The following ZPLD1 variants were observed in gnomAD, a reference collection of about 807,000 sequenced individuals.
ZPLD1 encodes zona pellucida-like domain-containing protein 1.
ZPLD1 carries 34 observed loss-of-function variants against 47.2 expected under a neutral mutation model. The observed-to-expected ratio is 0.72, with a 90% confidence interval of 0.55 to 0.96. The LOEUF (loss-of-function observed/expected upper bound fraction) is 0.96. Among genes scored for constraint, ZPLD1 ranks in the 40% least tolerant of loss-of-function variants. The probability of loss-of-function intolerance (pLI) is 0.00; values close to 1 mark genes in which losing one functional copy is unlikely to be tolerated. For missense variants in ZPLD1, 512 were observed against 505.8 expected (o/e 1.01, Z -0.12); for synonymous variants, 176 against 186.2 (o/e 0.95, Z 0.45).
At chr3:102,450,917 G>C (rs977853724) in intron 3 of ZPLD1, among the ~76,000 whole-genome samples, 1 of 152,190 alleles carries the variant, frequency 6.6e-6, no homozygotes, top group Admixed American at 6.5e-5. Flanking sequence ...TGTTGCCGAA[G>C]TATGAAGATA....
chr3:102,412,975 A>G (rs1200496353), intron 7 of ZPLD1, among the ~76,000 whole-genome samples: 1 of 151,760 alleles, frequency 6.6e-6, no homozygotes, highest in East Asian at 1.9e-4. Context: ...TTTTGAAATA[A>G]TTCTATGAAT....
intron 6 of ZPLD1, among the ~76,000 whole-genome samples, chr3:102,458,967 G>C (rs1707462610): frequency 6.6e-6 from 1 of 151,768 alleles, no homozygotes; most frequent in Non-Finnish European, 1.5e-5. Context: ...GCGGGCACCT[G>C]TAGTCCCAGC....
At chr3:102,393,274 T>G (rs553346485) in intron 7 of ZPLD1, among the ~76,000 whole-genome samples, 1 of 152,272 alleles carries the variant, frequency 6.6e-6, no homozygotes, top group Non-Finnish European at 1.5e-5. Flanking sequence ...AGAAGTATAT[T>G]AAGCGCTTAA....
chr3:102,452,892 T>A lies in ZPLD1; in HGVS notation c.107-27T>A, dbSNP rs763761702. ...TATCTTTCTGCTTTTCTGACTTATG[T>A]TTGTTTTTTATATATTTTTATTTCA... On this transcript the variant is annotated intron_variant, in intron 3 of 11. Transcript: ENST00000466937. The A allele has an allele frequency of 2.6e-5, 41 of 1,606,162 alleles. No homozygotes were observed. The South Asian group carries it at 4.3e-4, about 17-fold the overall frequency.
At position 102,456,207 on chromosome 3, in the gene ZPLD1, T is replaced by C. The variant is rs963005763; in HGVS notation, c.342T>C (p.Pro114=). 9 of 1,612,900 alleles carry C rather than the reference T, an allele frequency of 5.6e-6. No individual in the cohort carries two copies. Among genetic ancestry groups the C allele is most frequent in the Non-Finnish European group, 7.6e-6 (9 of 1,179,558 alleles). ...CGNNLVVSTI[P]GVSAYGNATS... ...CATTCTAACAGGTATCCACAATTCC[T>C]GGAGTCAGTGCTTATGGAAATGCAA... The change falls in exon 5 of 12, where the codon CCT becomes CCC. Residue 114 remains proline (P), a synonymous_variant. Transcript: ENST00000466937.
In ZPLD1 at chr3:102,412,248, C is replaced by T. The variant is rs139271244; in HGVS notation, c.-156-5812C>T. 4.7e-3 allele frequency among the ~76,000 whole-genome samples: 708 copies of T among 151,862 alleles called. 1 individual carries two copies. The highest frequency in any genetic ancestry group is 0.016 in the African/African-American group (648 of 41,496). On this transcript the variant is annotated intron_variant, in intron 7 of 17. Coordinates refer to the ZPLD1 transcript ENST00000491959. ...ATTGGTGTTTGAACAAACAGCTGGG[C>T]ATTATAGCCTAGCCAAGTTGACACA... is the stretch of plus-strand genomic sequence containing the variant.
intron 6 of ZPLD1, among the ~76,000 whole-genome samples, chr3:102,386,889 C>T (rs894456731): frequency 6.6e-6 from 1 of 152,124 alleles, no homozygotes; most frequent in Non-Finnish European, 1.5e-5. Context: ...CAGAAGTATC[C>T]ATTTTTAATC....
At chr3:102,455,754 T>G (rs1707403104) in intron 4 of ZPLD1, among the ~76,000 whole-genome samples, 2 of 151,928 alleles carry the variant, frequency 1.3e-5, no homozygotes, top group East Asian at 3.9e-4. Context: ...TTAGGGAAGG[T>G]GAGATCCTGG....
chr3:102,438,680 C>A, intron 3 of ZPLD1, 87 bp downstream of exon 3: 1 of 941,756 alleles, frequency 1.1e-6, no homozygotes, highest in Non-Finnish European at 1.6e-6. Flanking sequence ...ATATGGAGAA[C>A]GGGGGGCTAT....
At position 102,464,191 on chromosome 3, in the gene ZPLD1, A is replaced by G. The variant is rs977813103; in HGVS notation, c.701A>G (p.Tyr234Cys). 6.2e-7 allele frequency: 1 copy of G among 1,612,616 alleles called. No homozygotes were observed. Among genetic ancestry groups the G allele is most frequent in the South Asian group, 1.1e-5 (1 of 90,990 alleles). Residue 234 changes from tyrosine to cysteine, a missense_variant, in exon 8 of 12, where the codon TAT becomes TGT. Coordinates refer to ENST00000466937, the MANE Select transcript of ZPLD1 (RefSeq NM_001329788.2). The part of the protein sequence containing the change: ...LDGRWNVLMD[Y>C]CYTTPSGNPN... Reference sequence around the variant, plus strand: ...TTCAGATGGAATGTTTTAATGGATTATTGCTATACTACCCCATCAGGAAAC... The same window carrying G: ...TTCAGATGGAATGTTTTAATGGATTGTTGCTATACTACCCCATCAGGAAAC...
chr3:102,433,321 G>C (rs1361274062), upstream of ZPLD1, among the ~76,000 whole-genome samples: 4 of 152,136 alleles, frequency 2.6e-5, no homozygotes, highest in African/African-American at 9.7e-5. Context: ...CGTGAATCCT[G>C]ATTCTAACAG....
chr3:102,452,367 T>C (rs1271804035), intron 3 of ZPLD1, among the ~76,000 whole-genome samples: 2 of 152,126 alleles, frequency 1.3e-5, no homozygotes, highest in Non-Finnish European at 1.5e-5. Flanking sequence ...CCTTTCTCTC[T>C]AGTGTTATTT....
chr3:102,463,242 T>C (rs1392301534), intron 7 of ZPLD1, among the ~76,000 whole-genome samples: 1 of 152,208 alleles, frequency 6.6e-6, no homozygotes, highest in Non-Finnish European at 1.5e-5. Context: ...GCCTCATGGC[T>C]TTCTTCACCC....
rs76942286 is a variant in ZPLD1 at position 102,408,287 on chromosome 3, A to C, written c.-156-9773A>C. 9.3e-3 allele frequency among the ~76,000 whole-genome samples: 1,407 copies of C among 151,922 alleles called. 22 individuals carry two copies. Among genetic ancestry groups the C allele is most frequent in the African/African-American group, 0.033 (1,350 of 41,512 alleles). ...GGAAAAAATGAAGGGCAAAAGATAC[A>C]CTGAGTAGGTTTGCTCCATTTCTCA... On this transcript the variant is annotated intron_variant, in intron 7 of 17. Transcript: ENST00000491959.
At position 102,477,875 on chromosome 3, in the gene ZPLD1, G is replaced by C. The variant is rs537845370; in HGVS notation, c.*257G>C. The C allele has an allele frequency of 6.6e-6, 2 of 303,208 alleles. No individual in the cohort carries two copies. The highest frequency in any genetic ancestry group is 1.1e-4 in the East Asian group (2 of 17,806). The allele number at this position is 303,208 out of a possible 1,614,324, so 18.8% of individuals were successfully genotyped here. A position where few individuals can be genotyped will look rare whatever the true frequency, so the allele number is the denominator to read the frequency against. On this transcript the variant is annotated 3_prime_UTR_variant, in exon 12 of 12. Coordinates refer to ENST00000466937, the MANE Select transcript of ZPLD1 (RefSeq NM_001329788.2). The stretch of plus-strand genomic sequence containing the variant: ...ATAAGTGAAAAATATTCAGGACTTA[G>C]GGCTTACAGGATCAGTAATATTTCA...
chr3:102,475,710 A>G (rs1334820955), intron 10 of ZPLD1, among the ~76,000 whole-genome samples: 1 of 152,140 alleles, frequency 6.6e-6, no homozygotes, highest in Non-Finnish European at 1.5e-5. Context: ...TTTTTGTCCT[A>G]TAGCGATGCA....
intron 7 of ZPLD1, among the ~76,000 whole-genome samples, chr3:102,401,674 G>T (rs568768621): frequency 2.0e-5 from 3 of 152,192 alleles, no homozygotes; most frequent in Non-Finnish European, 4.4e-5. Context: ...TAATTTACTA[G>T]TTTTGGCTTT....
chr3:102,422,044 A>T (rs1040657207), intron 8 of ZPLD1, among the ~76,000 whole-genome samples: 2 of 152,036 alleles, frequency 1.3e-5, no homozygotes, highest in Non-Finnish European at 1.5e-5. Flanking sequence ...GAATGTTTAA[A>T]CAGTAAAGCA....
intron 8 of ZPLD1, among the ~76,000 whole-genome samples, chr3:102,426,792 AT>A (rs1374691062): frequency 1.3e-5 from 2 of 152,170 alleles, no homozygotes; most frequent in African/African-American, 4.8e-5. Flanking sequence ...TGTGGATGTG[AT>A]TTCATCATGT....
Sources: gnomAD v4.1 joint callset for allele counts (sites outside exome capture counted in the v4.1 genomes callset) on GRCh38, gnomAD v4.1.1 for gene constraint, MANE v1.5 for transcripts, NCBI Gene and HGNC (gene_info 2026-07-23, HGNC 2026-07-21) for gene names.